BMP3: variants seen among roughly 807,000 people sequenced by gnomAD.
BMP3 encodes the protein bone morphogenetic protein 3 (osteogenic).
In BMP3, 23 loss-of-function variants were observed where a neutral mutation model predicts 38.1. That is an observed-to-expected ratio of 0.60 (90% CI 0.43 to 0.86). The LOEUF is 0.86. BMP3 is among the 40% of genes least tolerant of loss of function. The pLI, the probability that BMP3 is intolerant of heterozygous loss-of-function variation, is 0.00. For missense variants in BMP3, 628 were observed against 579.6 expected (o/e 1.08, Z -0.86); for synonymous variants, 258 against 225.7 (o/e 1.14, Z -1.28).
At chr4:81,043,638 T>C (rs1325484414) in intron 1 of BMP3, among the ~76,000 whole-genome samples, 1 of 144,214 alleles carries the variant, frequency 6.9e-6, no homozygotes, top group Non-Finnish European at 1.5e-5. Context: ...CCCAGGCTGG[T>C]GTGCAGTAGT....
In BMP3 at chr4:81,046,335, C is replaced by A. The variant is rs1048692199; in HGVS notation, c.914C>A (p.Ala305Glu). 1.2e-6 allele frequency: 2 copies of A among 1,613,854 alleles called. No individual in the cohort carries two copies. Among genetic ancestry groups the A allele is most frequent in the Non-Finnish European group, 1.7e-6 (2 of 1,180,010 alleles). The change falls in exon 2 of 3, where the codon GCA (alanine) becomes GAA (glutamate). Residue 305 changes from alanine to glutamate, a missense_variant. By Grantham distance (107) the Ala-to-Glu change is moderately radical (BLOSUM62 -1). Transcript: ENST00000282701. Reference protein sequence around the residue: ...LPLQNNELPGAEYQYKKDEVW... With the variant: ...LPLQNNELPGEEYQYKKDEVW... The stretch of plus-strand genomic sequence containing the variant: ...CTGCAGAACAACGAGCTTCCTGGGG[C>A]AGAATACCAGTATAAAAAGGATGAG...
intron 1 of BMP3, among the ~76,000 whole-genome samples, chr4:81,040,337 C>G (rs777098609): frequency 7.9e-5 from 12 of 152,162 alleles, no homozygotes; most frequent in Non-Finnish European, 1.6e-4. Context: ...GAGACGTTCT[C>G]TCGTTCACTT....
intron 2 of BMP3, among the ~76,000 whole-genome samples, chr4:81,053,131 A>G (rs1740440239): frequency 6.6e-6 from 1 of 152,190 alleles, no homozygotes; most frequent in Non-Finnish European, 1.5e-5. Flanking sequence ...GAGATACTAC[A>G]TATAATATGC....
At chr4:81,047,186 C>T (rs564522792) in intron 2 of BMP3, among the ~76,000 whole-genome samples, 56 of 152,274 alleles carry the variant, frequency 3.7e-4, no homozygotes, top group East Asian at 9.6e-4. Context: ...AAATCCACTA[C>T]GTGCTTATTT....
chr4:81,055,680 G>A lies in BMP3; in HGVS notation c.*2144G>A, dbSNP rs1256366180. On this transcript the variant is annotated 3_prime_UTR_variant, in exon 3 of 3. Transcript: ENST00000282701. ...CAACCAAAACTTCTGGCAATTCCCA[G>A]TATCACTTCTTAGCCTTCTTATATC... The A allele has an allele frequency of 7.2e-5, 11 of 152,136 alleles. No homozygotes were observed. The East Asian group carries it at 1.9e-3, about 27-fold the overall frequency. The allele number at this position is 152,136 out of a possible 1,614,324, so 9.4% of individuals were successfully genotyped here.
At chr4:81,038,294 G>T (rs1333123360) in intron 1 of BMP3, among the ~76,000 whole-genome samples, 3 of 152,130 alleles carry the variant, frequency 2.0e-5, no homozygotes, top group Non-Finnish European at 2.9e-5. Flanking sequence ...GAGAGTTTAT[G>T]ATATAATAAA....
In BMP3 at chr4:81,046,361, G is replaced by T; in HGVS notation, c.940G>T (p.Val314Leu). The T allele has an allele frequency of 6.2e-7, 1 of 1,614,040 alleles. No homozygotes were observed. Among genetic ancestry groups the T allele is most frequent in the South Asian group, 1.1e-5 (1 of 91,072 alleles). The change falls in exon 2 of 3, where the codon GTG becomes TTG. Residue 314 changes from valine to leucine, a missense_variant. Transcript: ENST00000282701. The part of the protein sequence containing the change: ...GAEYQYKKDE[V>L]WEERKPYKTL... Reference sequence around the variant, plus strand: ...AGAATACCAGTATAAAAAGGATGAGGTGTGGGAGGAGAGAAAGCCTTACAA... The same window carrying T: ...AGAATACCAGTATAAAAAGGATGAGTTGTGGGAGGAGAGAAAGCCTTACAA...
At chr4:81,038,955 C>T (rs1739993649) in intron 1 of BMP3, among the ~76,000 whole-genome samples, 1 of 151,940 alleles carries the variant, frequency 6.6e-6, no homozygotes, top group Non-Finnish European at 1.5e-5. Context: ...GAAAAACATA[C>T]ATCATATCAT....
intron 2 of BMP3, 46 bp downstream of exon 2, chr4:81,046,694 T>G (rs1740260623): frequency 1.3e-6 from 2 of 1,541,174 alleles, no homozygotes; most frequent in East Asian, 4.5e-5. Flanking sequence ...TTTCCATTAG[T>G]AGAAAGACAC....
intron 1 of BMP3, among the ~76,000 whole-genome samples, chr4:81,041,907 A>G (rs1740085581): frequency 6.6e-6 from 1 of 152,082 alleles, no homozygotes; most frequent in African/African-American, 2.4e-5. Context: ...AAGCATAGCT[A>G]ACACCTTCGG....
chr4:81,053,331 A>C lies in BMP3; in HGVS notation c.1228-14A>C. ...CACCTAACATATGTGTTCTTCTTTC[A>C]TTTCTTTCTCTAGTCTTTGAAGCCA... On this transcript the variant is annotated splice_polypyrimidine_tract_variant and intron_variant, in intron 2 of 2. Coordinates refer to ENST00000282701, the MANE Select transcript of BMP3 (RefSeq NM_001201.5). 1 of 1,528,904 alleles carries C rather than the reference A, an allele frequency of 6.5e-7. No individual in the cohort carries two copies. Among genetic ancestry groups the C allele is most frequent in the Non-Finnish European group, 8.8e-7 (1 of 1,141,314 alleles). 94.7% of individuals were successfully genotyped at this position (1,528,904 alleles called of 1,614,324 possible).
chr4:81,046,681 C>T (rs1314487940), intron 2 of BMP3, 33 bp downstream of exon 2: 1 of 1,558,466 alleles, frequency 6.4e-7, no homozygotes, highest in Admixed American at 1.9e-5. Context: ...TACTTACTTC[C>T]TATTTCCATT....
chr4:81,040,415 C>T (rs915918026), intron 1 of BMP3, among the ~76,000 whole-genome samples: 13 of 152,146 alleles, frequency 8.5e-5, no homozygotes, highest in Non-Finnish European at 1.5e-4. Flanking sequence ...TTGCCCCAGT[C>T]CCACAGATGG....
chr4:81,034,987 C>T (rs1449893690), intron 1 of BMP3, among the ~76,000 whole-genome samples: 1 of 152,052 alleles, frequency 6.6e-6, no homozygotes, highest in Non-Finnish European at 1.5e-5. Flanking sequence ...AATGTAGTTA[C>T]CTTGAAGTGC....
chr4:81,053,616 T>TTG lies in BMP3; in HGVS notation c.*81_*82insGT. On this transcript the variant is annotated 3_prime_UTR_variant, in exon 3 of 3. Coordinates refer to ENST00000282701, the MANE Select transcript of BMP3 (RefSeq NM_001201.5). ...ACTTCTTCCTGTTTTTTTTTTTTTTTTTTTTGCACTGCCAATGCATTTTGT... is the reference window on the plus strand; with the variant it reads ...ACTTCTTCCTGTTTTTTTTTTTTTTTTGTTTTTGCACTGCCAATGCATTTTGT... 1 of 749,424 alleles carries TTG rather than the reference T, an allele frequency of 1.3e-6. No homozygotes were observed. Among genetic ancestry groups the TTG allele is most frequent in the Non-Finnish European group, 1.9e-6 (1 of 520,456 alleles). The allele number at this position is 749,424 out of a possible 1,614,324, so 46.4% of individuals were successfully genotyped here.
At chr4:81,047,548 C>G (rs1390476822) in intron 2 of BMP3, among the ~76,000 whole-genome samples, 1 of 15,114 alleles carries the variant, frequency 6.6e-5, no homozygotes, top group African/African-American at 9.4e-5. Flanking sequence ...CTCTGTTATA[C>G]CAAAAAAAAA....
At chr4:81,043,220 C>T (rs898743890) in intron 1 of BMP3, among the ~76,000 whole-genome samples, 4 of 152,174 alleles carry the variant, frequency 2.6e-5, no homozygotes, top group African/African-American at 9.7e-5. Flanking sequence ...GGCTTAGGCT[C>T]TGGTGACTGA....
chr4:81,040,798 C>A (rs985752667), intron 1 of BMP3, among the ~76,000 whole-genome samples: 7 of 152,132 alleles, frequency 4.6e-5, no homozygotes, highest in African/African-American at 1.7e-4. Context: ...TTAATATTTT[C>A]TAGTACCGAA....
chr4:81,044,738 A>G (rs1740184499), intron 1 of BMP3, among the ~76,000 whole-genome samples: 1 of 152,210 alleles, frequency 6.6e-6, no homozygotes, highest in Admixed American at 6.5e-5. Context: ...GTGATCTTCC[A>G]TGTCTTGCTT....
Sources: allele counts gnomAD v4.1 joint callset (sites outside exome capture counted in the v4.1 genomes callset), GRCh38; gene constraint gnomAD v4.1.1; transcripts MANE v1.5; gene names NCBI Gene and HGNC (gene_info 2026-07-23, HGNC 2026-07-21).